The following PDGFD variants were observed in gnomAD, a reference collection of about 807,000 sequenced individuals.
PDGFD encodes platelet-derived growth factor D.
In PDGFD, 30 loss-of-function variants were observed where a neutral mutation model predicts 44.7. The ratio of observed to expected loss-of-function variants is 0.67; its 90% CI spans 0.50 to 0.91. The LOEUF (loss-of-function observed/expected upper bound fraction) is 0.91. PDGFD is among the 40% of genes least tolerant of loss of function. PDGFD has a pLI of 0.00. For synonymous variants in PDGFD, 173 were observed against 168.4 expected (o/e 1.03, Z -0.21); for missense variants, 445 against 457.8 (o/e 0.97, Z 0.25).
At chr11:103,929,039 T>G (rs1309639371) in intron 5 of PDGFD, among the ~76,000 whole-genome samples, 1 of 152,154 alleles carries the variant, frequency 6.6e-6, no homozygotes, top group Non-Finnish European at 1.5e-5. Flanking sequence ...GGGATCGTGA[T>G]GTGTGAGAAG....
At position 104,122,346 on chromosome 11, in the gene PDGFD, G is replaced by A. The variant is rs187246867; in HGVS notation, c.124+41458C>T. Among the ~76,000 whole-genome samples the A allele has an allele frequency of 1.8e-3, 281 of 152,090 alleles. 1 individual carries two copies. Among genetic ancestry groups the A allele is most frequent in the African/African-American group, 6.4e-3 (266 of 41,496 alleles). Reference sequence around the variant, plus strand: ...TCTGCATAATAAAAGATTAGGGTTGGGGAGGCCAGAAATTTGTGCAAATGG... The same window carrying A: ...TCTGCATAATAAAAGATTAGGGTTGAGGAGGCCAGAAATTTGTGCAAATGG... On this transcript the variant is annotated intron_variant, in intron 1 of 6. Coordinates refer to ENST00000393158, the MANE Select transcript of PDGFD (RefSeq NM_025208.5).
chr11:104,080,046 A>G (rs1229961429), intron 1 of PDGFD, among the ~76,000 whole-genome samples: 2 of 152,116 alleles, frequency 1.3e-5, no homozygotes, highest in Non-Finnish European at 2.9e-5. Flanking sequence ...CCTATGAGTT[A>G]CTCTTAGTCT....
chr11:104,014,765 AAT>A (rs1019985558), intron 1 of PDGFD, among the ~76,000 whole-genome samples: 61 of 152,168 alleles, frequency 4.0e-4, no homozygotes, highest in African/African-American at 1.3e-3. Flanking sequence ...AATGACTAAC[AAT>A]ATACTGGCAT....
At chr11:104,044,349 C>T (rs2134401454) in intron 1 of PDGFD, among the ~76,000 whole-genome samples, 1 of 152,150 alleles carries the variant, frequency 6.6e-6, no homozygotes, top group Non-Finnish European at 1.5e-5. Context: ...TGCCTTAGTG[C>T]TTTATGTGAA....
chr11:103,981,598 G>A (rs532768283), intron 3 of PDGFD, among the ~76,000 whole-genome samples: 1 of 151,806 alleles, frequency 6.6e-6, no homozygotes, highest in South Asian at 2.1e-4. Context: ...CAGTTTAATT[G>A]ACACTCTAGA....
chr11:103,968,077 G>A (rs936870693), intron 3 of PDGFD, among the ~76,000 whole-genome samples: 3 of 152,110 alleles, frequency 2.0e-5, no homozygotes, highest in African/African-American at 2.4e-5. Flanking sequence ...TCTTTCTTGC[G>A]TTAACATTGT....
intron 5 of PDGFD, among the ~76,000 whole-genome samples, chr11:103,942,470 C>T (rs1858599565): frequency 6.6e-6 from 1 of 152,012 alleles, no homozygotes. Flanking sequence ...ATTGTTTTAA[C>T]TCATGATGTT....
chr11:104,101,186 T>C (rs1201389421), intron 1 of PDGFD, among the ~76,000 whole-genome samples: 1 of 152,126 alleles, frequency 6.6e-6, no homozygotes, highest in Non-Finnish European at 1.5e-5. Flanking sequence ...ATGACATGAT[T>C]GTATATCTAG....
At chr11:103,939,382 T>C (rs369031413) in intron 5 of PDGFD, among the ~76,000 whole-genome samples, 6 of 152,158 alleles carry the variant, frequency 3.9e-5, no homozygotes, top group Non-Finnish European at 7.3e-5. Context: ...ATAGGAATGC[T>C]TGTGATTTTT....
At chr11:104,070,316 C>T (rs116991632) in intron 1 of PDGFD, among the ~76,000 whole-genome samples, 13 of 152,240 alleles carry the variant, frequency 8.5e-5, no homozygotes, top group African/African-American at 1.7e-4. Context: ...TATATTTCAA[C>T]GCATTAGTTC....
At chr11:104,083,095 A>G (rs1861070580) in intron 1 of PDGFD, among the ~76,000 whole-genome samples, 1 of 152,186 alleles carries the variant, frequency 6.6e-6, no homozygotes, top group Non-Finnish European at 1.5e-5. Flanking sequence ...CACATAATGC[A>G]TTGGTTTCAT....
At chr11:103,932,803 A>C (rs77934342) in intron 5 of PDGFD, among the ~76,000 whole-genome samples, 1 of 152,346 alleles carries the variant, frequency 6.6e-6, no homozygotes, top group Non-Finnish European at 1.5e-5. Context: ...TTTATCACAA[A>C]GGTGAAACAA....
At chr11:103,990,104 G>C (rs907828706) in intron 3 of PDGFD, among the ~76,000 whole-genome samples, 1 of 152,070 alleles carries the variant, frequency 6.6e-6, no homozygotes, top group African/African-American at 2.4e-5. Context: ...TCCTCAGTAG[G>C]ATGGTCTGAG....
At chr11:104,086,990 AAC>A (rs1234378453) in intron 1 of PDGFD, among the ~76,000 whole-genome samples, 1 of 151,266 alleles carries the variant, frequency 6.6e-6, no homozygotes, top group Non-Finnish European at 1.5e-5. Context: ...TGAAAGAAAG[AAC>A]AGTTCCCTCT....
At chr11:104,098,369 C>T (rs1861315990) in intron 1 of PDGFD, among the ~76,000 whole-genome samples, 1 of 152,098 alleles carries the variant, frequency 6.6e-6, no homozygotes, top group African/African-American at 2.4e-5. Context: ...AAGAGAAATA[C>T]AAGGTGTCTG....
chr11:104,022,137 G>A (rs1373222999), intron 1 of PDGFD, among the ~76,000 whole-genome samples: 1 of 152,170 alleles, frequency 6.6e-6, no homozygotes, highest in Admixed American at 6.5e-5. Context: ...TCACGAAAGA[G>A]TAGGGATTTT....
intron 3 of PDGFD, among the ~76,000 whole-genome samples, chr11:103,953,827 T>A (rs980093622): frequency 1.3e-5 from 2 of 152,228 alleles, no homozygotes; most frequent in African/African-American, 4.8e-5. Flanking sequence ...AAAAGAGAAT[T>A]GTTCAAAGAC....
intron 3 of PDGFD, among the ~76,000 whole-genome samples, chr11:103,963,329 A>G (rs17101785): frequency 0.037 from 5,635 of 152,242 alleles, 335 homozygotes; most frequent in African/African-American, 0.13. Context: ...TGAGCTGGGT[A>G]TAGGCACAGA....
At chr11:104,079,192 TAA>T (rs754613513) in intron 1 of PDGFD, among the ~76,000 whole-genome samples, 26 of 151,920 alleles carry the variant, frequency 1.7e-4, no homozygotes, top group African/African-American at 6.3e-4. Flanking sequence ...CCAAGGCAGG[TAA>T]AAAAAAGAGT....
Sources: gnomAD v4.1 joint callset for allele counts (sites outside exome capture counted in the v4.1 genomes callset) on GRCh38, gnomAD v4.1.1 for gene constraint, MANE v1.5 for transcripts, NCBI Gene and HGNC (gene_info 2026-07-23, HGNC 2026-07-21) for gene names.